The following TRPS1 variants were observed in gnomAD, a reference collection of about 807,000 sequenced individuals.
TRPS1 encodes the protein zinc finger transcription factor Trps1.
A neutral mutation model predicts 101.2 loss-of-function variants in TRPS1; 6 were observed. The observed-to-expected ratio is 0.06, with a 90% CI of 0.03 to 0.12. The LOEUF (loss-of-function observed/expected upper bound fraction) is 0.12. TRPS1 is among the 10% of genes least tolerant of loss of function. The probability of loss-of-function intolerance (pLI) is 1.00; values close to 1 mark genes in which losing one functional copy is unlikely to be tolerated. For synonymous variants in TRPS1, 578 were observed against 589.8 expected, an observed-to-expected ratio of 0.98 and a Z score of 0.29; for missense variants, 1,363 against 1,567.0, an observed-to-expected ratio of 0.87 and a Z score of 2.20.
chr8:115,589,579 A>G (rs1817637606), intron 4 of TRPS1, among the ~76,000 whole-genome samples: 1 of 152,204 alleles, frequency 6.6e-6, no homozygotes, highest in East Asian at 1.9e-4. Flanking sequence ...GAAATATACA[A>G]CAAATGACAA....
intron 1 of TRPS1, among the ~76,000 whole-genome samples, chr8:115,662,012 C>T (rs1811809343): frequency 6.6e-6 from 1 of 151,988 alleles, no homozygotes; most frequent in Non-Finnish European, 1.5e-5. Flanking sequence ...TGAATCTAGA[C>T]TTACTCCAAG....
chr8:115,610,891 C>A lies in TRPS1; in HGVS notation c.967-5889G>T, dbSNP rs981606911. 4.6e-5 allele frequency among the ~76,000 whole-genome samples: 7 copies of A among 151,890 alleles called. No individual in the cohort carries two copies. The East Asian group carries it at 1.4e-3, about 29-fold the overall frequency. ...CAGCACTTTGGGAGGCCAAGGCGGG[C>A]GGATCACCTGAGATCAGGAGTTCGA... On this transcript the variant is annotated intron_variant, in intron 3 of 6. Coordinates refer to ENST00000395715, the MANE Select transcript of TRPS1 (RefSeq NM_014112.5).
chr8:115,418,182 A>G lies in TRPS1; in HGVS notation c.2823+148T>C. Reference sequence around the variant, plus strand: ...CCATCACATCTAAGCCCCCTTCACCATAAATCACATGTGCACTCAAAGTGA... The same window carrying G: ...CCATCACATCTAAGCCCCCTTCACCGTAAATCACATGTGCACTCAAAGTGA... On this transcript the variant is annotated intron_variant, in intron 6 of 6. Transcript: ENST00000395715. The surrounding 1 kb of genome is among the most constrained non-coding windows in gnomAD (Gnocchi z 4.3). 1.5e-6 allele frequency: 2 copies of G among 1,324,182 alleles called. No individual in the cohort carries two copies. The highest frequency in any genetic ancestry group is 2.2e-6 in the Non-Finnish European group (2 of 929,522). The allele number at this position is 1,324,182 out of a possible 1,614,324, so 82.0% of individuals were successfully genotyped here. A position where few individuals can be genotyped will look rare whatever the true frequency, so the allele number is the denominator to read the frequency against.
intron 5 of TRPS1, among the ~76,000 whole-genome samples, chr8:115,471,323 AAGG>A (rs1663401062): frequency 6.6e-6 from 1 of 152,140 alleles, no homozygotes; most frequent in Non-Finnish European, 1.5e-5. Context: ...TGATGCCAGG[AAGG>A]AGAAGTGACA....
intron 5 of TRPS1, among the ~76,000 whole-genome samples, chr8:115,456,637 A>G (rs1814032699): frequency 6.6e-6 from 1 of 152,076 alleles, no homozygotes. Context: ...CATTGGAAAA[A>G]TTTCTGGACT....
intron 5 of TRPS1, among the ~76,000 whole-genome samples, chr8:115,549,942 C>A (rs10955753): frequency 0.6 from 91,468 of 152,056 alleles, 27,853 homozygotes; most frequent in East Asian, 0.84. Context: ...TAGGCTGGGC[C>A]TGGTGGCTCA....
At chr8:115,489,668 A>G (rs1345158921) in intron 5 of TRPS1, among the ~76,000 whole-genome samples, 2 of 152,166 alleles carry the variant, frequency 1.3e-5, no homozygotes, top group Admixed American at 6.5e-5. Flanking sequence ...AAATGCACAC[A>G]TGACATTTTG....
chr8:115,485,023 G>T (rs1210171391), intron 5 of TRPS1, among the ~76,000 whole-genome samples: 6 of 152,148 alleles, frequency 3.9e-5, no homozygotes, highest in Non-Finnish European at 8.8e-5. Flanking sequence ...ACTGATCTAG[G>T]ACCTGTTCTG....
intron 5 of TRPS1, among the ~76,000 whole-genome samples, chr8:115,566,532 C>CT (rs200757223): frequency 7.3e-5 from 11 of 150,746 alleles, no homozygotes; most frequent in East Asian, 3.9e-4. Flanking sequence ...TTTCTTTCTT[C>CT]TTTTTTTTTG....
At chr8:115,470,492 T>C (rs1026657927) in intron 5 of TRPS1, among the ~76,000 whole-genome samples, 1 of 152,228 alleles carries the variant, frequency 6.6e-6, no homozygotes, top group Non-Finnish European at 1.5e-5. Flanking sequence ...GTGAATGTTA[T>C]GTATATAACA....
At chr8:115,511,403 C>G (rs554491277) in intron 5 of TRPS1, 1 of 151,990 alleles carries the variant, frequency 6.6e-6, no homozygotes, top group South Asian at 2.1e-4. Context: ...CAAAAATGAC[C>G]AACGCTCCCT....
chr8:115,446,626 G>A (rs1254619406), intron 5 of TRPS1, among the ~76,000 whole-genome samples: 1 of 152,032 alleles, frequency 6.6e-6, no homozygotes, highest in African/African-American at 2.4e-5. Flanking sequence ...TCCCTGATAG[G>A]CACATCTTCC....
chr8:115,631,715 T>C (rs573288936), intron 1 of TRPS1, among the ~76,000 whole-genome samples: 4 of 152,172 alleles, frequency 2.6e-5, no homozygotes, highest in East Asian at 1.9e-4. Context: ...ATATTGCTTT[T>C]GTCTTCAAGG....
At chr8:115,590,573 G>A (rs1817657938) in intron 4 of TRPS1, among the ~76,000 whole-genome samples, 1 of 152,152 alleles carries the variant, frequency 6.6e-6, no homozygotes, top group African/African-American at 2.4e-5. Flanking sequence ...AATTCTTGTG[G>A]ACCACAAAGC....
chr8:115,644,144 A>T (rs1818962410), intron 1 of TRPS1, among the ~76,000 whole-genome samples: 1 of 152,226 alleles, frequency 6.6e-6, no homozygotes, highest in Admixed American at 6.5e-5. Context: ...TAAGGGTCCC[A>T]GAATCTTTGG....
chr8:115,499,923 C>CAA (rs1390983206), intron 5 of TRPS1, among the ~76,000 whole-genome samples: 4 of 88,932 alleles, frequency 4.5e-5, no homozygotes, highest in Non-Finnish European at 7.1e-5. Context: ...AAATTTCTTT[C>CAA]TTTCTTTCTT....
chr8:115,491,575 A>C (rs1208219442), intron 5 of TRPS1, among the ~76,000 whole-genome samples: 2 of 152,136 alleles, frequency 1.3e-5, no homozygotes, highest in African/African-American at 4.8e-5. Flanking sequence ...AGATTACTTA[A>C]GCCCAGGATT....
intron 5 of TRPS1, among the ~76,000 whole-genome samples, chr8:115,485,067 T>C (rs1169750746): frequency 6.6e-6 from 1 of 152,168 alleles, no homozygotes; most frequent in East Asian, 1.9e-4. Context: ...AGGTCCCAAA[T>C]AGTTGACCTT....
chr8:115,577,140 G>GT (rs1240011828), intron 5 of TRPS1, among the ~76,000 whole-genome samples: 17 of 151,926 alleles, frequency 1.1e-4, no homozygotes, highest in South Asian at 6.2e-4. Context: ...AACAAGTAAA[G>GT]TTTTTTTCCA....
Sources: allele counts gnomAD v4.1 joint callset (sites outside exome capture counted in the v4.1 genomes callset), GRCh38; gene constraint gnomAD v4.1.1; non-coding constraint Gnocchi (gnomAD v3.1); transcripts MANE v1.5; gene names NCBI Gene and HGNC (gene_info 2026-07-23, HGNC 2026-07-21).